The following EPG5 variants were observed in gnomAD, a reference collection of about 807,000 sequenced individuals.
The protein encoded by EPG5 is ectopic P-granules 5 autophagy tethering factor, also known as ectopic P granules protein 5 homolog.
Under a neutral mutation model 302.7 loss-of-function variants are expected in EPG5, and 159 were observed. The ratio of observed to expected loss-of-function variants is 0.53; its 90% CI spans 0.46 to 0.60. The LOEUF is 0.60. EPG5 is among the 20% of genes least tolerant of loss of function. EPG5 has a pLI of 0.00. For synonymous variants in EPG5, 1,158 were observed against 1,136.8 expected (o/e 1.02, Z -0.37); for missense variants, 2,896 against 3,092.4 (o/e 0.94, Z 1.51).
At chr18:45,958,122 GAGAA>G (rs990410709) in intron 1 of EPG5, among the ~76,000 whole-genome samples, 31 of 152,274 alleles carry the variant, frequency 2.0e-4, no homozygotes, top group African/African-American at 7.2e-4. Context: ...GATAAATTGA[GAGAA>G]AGAAGCATAA....
intron 28 of EPG5, among the ~76,000 whole-genome samples, chr18:45,889,295 G>A (rs1484482887): frequency 6.6e-6 from 1 of 152,164 alleles, no homozygotes; most frequent in Non-Finnish European, 1.5e-5. Flanking sequence ...GAAAACGATG[G>A]TCAAATGCAA....
In EPG5 at chr18:45,956,469, T is replaced by A. The variant is rs373566563; in HGVS notation, c.64-1131A>T. Among the ~76,000 whole-genome samples the A allele has an allele frequency of 3.4e-3, 521 of 152,074 alleles. 3 individuals carry two copies. The highest frequency in any genetic ancestry group is 0.011 in the African/African-American group (471 of 41,460). ...GGGTGTTTTATTTATTTATTTTTTT[T>A]TTTTTGAGACGGAATCTTGCTCTGT... On this transcript the variant is annotated intron_variant, in intron 1 of 43. Transcript: ENST00000282041.
rs2049115141 is a variant in EPG5, at chr18:45,882,340, A to G, written c.5452T>C (p.Trp1818Arg). 1 of 1,614,252 alleles carries G rather than the reference A, an allele frequency of 6.2e-7. No homozygotes were observed. The highest frequency in any genetic ancestry group is 8.5e-7 in the Non-Finnish European group (1 of 1,180,042). The change falls in exon 31 of 44, where the codon TGG (tryptophan) becomes CGG (arginine). Residue 1818 changes from tryptophan (W) to arginine (R), a missense_variant. Transcript: ENST00000282041. Reference protein sequence around the residue: ...LMPFNLFCKHWTYLLLYQFPD... With the variant: ...LMPFNLFCKHRTYLLLYQFPD... Reference sequence around the variant, plus strand: ...AACTGGTAGAGAAGAAGATAAGTCCAGTGCTTACAGAAAAGATTAAATGGC... The same window carrying G: ...AACTGGTAGAGAAGAAGATAAGTCCGGTGCTTACAGAAAAGATTAAATGGC...
chr18:45,826,761 C>T, the EPG5 span, among the ~76,000 whole-genome samples: 1 of 152,306 alleles, frequency 6.6e-6, no homozygotes, highest in East Asian at 1.9e-4. Context: ...CCTTAGACCC[C>T]TTTGCCCTCC....
At chr18:45,891,904 A>G (rs1419630387) in intron 27 of EPG5, among the ~76,000 whole-genome samples, 1 of 152,262 alleles carries the variant, frequency 6.6e-6, no homozygotes, top group Non-Finnish European at 1.5e-5. Flanking sequence ...GATTAGGAGT[A>G]TCTGCAGTCA....
chr18:45,897,739 CAG>C (rs1436227419), intron 27 of EPG5, among the ~76,000 whole-genome samples: 1 of 152,108 alleles, frequency 6.6e-6, no homozygotes, highest in African/African-American at 2.4e-5. Flanking sequence ...GTTGAAAAAT[CAG>C]AGACACATTT....
Position 45,894,197 on chromosome 18 carries a change from C to T in EPG5, c.4810-4257G>A, listed in dbSNP as rs184850759. Among the ~76,000 whole-genome samples the T allele has an allele frequency of 5.7e-3, 863 of 152,264 alleles. 4 individuals carry two copies. The highest frequency in any genetic ancestry group is 9.9e-3 in the Non-Finnish European group (673 of 68,018). ...AAAACAGGCCAGGCATGGTGGCTTA[C>T]ACCTGTAATCCTAGCACTTTGGGAG... On this transcript the variant is annotated intron_variant, in intron 27 of 43. Coordinates refer to ENST00000282041, the MANE Select transcript of EPG5 (RefSeq NM_020964.3).
Position 45,852,433 on chromosome 18 carries a change from A to G in EPG5, c.*34T>C. On this transcript the variant is annotated 3_prime_UTR_variant, in exon 44 of 44. Transcript: ENST00000282041. ...ACAGCAAAGTTAAATGTAAACATAAACAGCAATGGGTTTTTCAAGAGCCTC... is the reference window on the plus strand; with the variant it reads ...ACAGCAAAGTTAAATGTAAACATAAGCAGCAATGGGTTTTTCAAGAGCCTC... 6.3e-7 allele frequency: 1 copy of G among 1,582,422 alleles called. No homozygotes were observed. Among genetic ancestry groups the G allele is most frequent in the Non-Finnish European group, 8.6e-7 (1 of 1,163,382 alleles).
chr18:45,835,719 CA>C, the EPG5 span, among the ~76,000 whole-genome samples: 1 of 152,184 alleles, frequency 6.6e-6, no homozygotes, highest in Non-Finnish European at 1.5e-5. Flanking sequence ...GCAAGCTGGG[CA>C]TGAAACACAG....
the EPG5 span, among the ~76,000 whole-genome samples, chr18:45,840,423 C>T: frequency 6.6e-6 from 1 of 152,294 alleles, no homozygotes; most frequent in Middle Eastern, 3.4e-3. Context: ...CCAAGGTCTT[C>T]CCTGGACAGA....
Position 45,852,418 on chromosome 18 carries a change from T to C in EPG5, c.*49A>G. On this transcript the variant is annotated 3_prime_UTR_variant, in exon 44 of 44. Transcript: ENST00000282041. ...AAAGTTACTTGTGCAACAGCAAAGT[T>C]AAATGTAAACATAAACAGCAATGGG... The C allele has an allele frequency of 6.4e-7, 1 of 1,554,684 alleles. No homozygotes were observed. The highest frequency in any genetic ancestry group is 8.7e-7 in the Non-Finnish European group (1 of 1,145,666).
At chr18:45,914,957 A>C (rs1287279543) in intron 20 of EPG5, among the ~76,000 whole-genome samples, 1 of 110,654 alleles carries the variant, frequency 9.0e-6, no homozygotes, top group Non-Finnish European at 1.8e-5. Context: ...GTATCCAAAA[A>C]TGTTTTTTAA....
chr18:45,854,924 C>G (rs1314614202), intron 43 of EPG5, among the ~76,000 whole-genome samples: 2 of 152,078 alleles, frequency 1.3e-5, no homozygotes, highest in South Asian at 4.2e-4. Flanking sequence ...AAAGCTTTAA[C>G]TCACTAATAT....
Position 45,860,181 on chromosome 18 carries a change from G to A in EPG5, c.6932C>T (p.Ala2311Val), listed in dbSNP as rs1462762255. The change falls in exon 40 of 44, where the codon GCA becomes GTA. Residue 2311 changes from alanine (A) to valine (V), a missense_variant. Around this residue, in one of 5 missense-constraint regions of EPG5, gnomAD observed 620 missense variants for 704.2 expected, o/e 0.88. Transcript: ENST00000282041. ...GACGGACGCCAGGCTCTGGCAGGCT[G>A]CTGTTAAAAGGGGCAGCACCACCAG... ...HGLVVLPLLT[A>V]ACQSLASVRH... 6.2e-7 allele frequency: 1 copy of A among 1,614,244 alleles called. No homozygotes were observed. Among genetic ancestry groups the A allele is most frequent in the East Asian group, 2.2e-5 (1 of 44,892 alleles).
At chr18:45,805,417 C>A in the EPG5 span, among the ~76,000 whole-genome samples, 1 of 92,878 alleles carries the variant, frequency 1.1e-5, no homozygotes, top group Non-Finnish European at 2.2e-5. Flanking sequence ...AAATAAAGAG[C>A]TTCTGTAAAA....
At chr18:45,801,172 G>C in the EPG5 span, among the ~76,000 whole-genome samples, 2 of 152,096 alleles carry the variant, frequency 1.3e-5, no homozygotes, top group African/African-American at 4.8e-5. Context: ...AAGTAGCTGG[G>C]ATTACAGGTG....
chr18:45,837,883 G>A, the EPG5 span: 3 of 1,526,716 alleles, frequency 2.0e-6, no homozygotes, highest in Non-Finnish European at 8.7e-7. Context: ...ACGGCGTCCG[G>A]CTGCACGTGA....
At chr18:45,882,573 A>G in intron 30 of EPG5, 86 bp from the exon 31 acceptor site, 5 of 1,068,978 alleles carry the variant, frequency 4.7e-6, no homozygotes, top group Non-Finnish European at 5.3e-6. Context: ...ATTTAGTTTA[A>G]AAGCCAAAAA....
chr18:45,916,584 T>C lies in EPG5; in HGVS notation c.3240-2A>G. On this transcript the variant is annotated splice_acceptor_variant, in intron 17 of 43. Coordinates refer to ENST00000282041, the MANE Select transcript of EPG5 (RefSeq NM_020964.3). LOFTEE classifies it high-confidence loss of function. ...AACAAGAGGAGATGCGATAAAAACC[T>C]GCCAAGCACACAGGAGGACGCACTT... 1 of 1,593,354 alleles carries C rather than the reference T, an allele frequency of 6.3e-7. No homozygotes were observed. Among genetic ancestry groups the C allele is most frequent in the Non-Finnish European group, 8.6e-7 (1 of 1,162,798 alleles).
Sources: allele counts gnomAD v4.1 joint callset (sites outside exome capture counted in the v4.1 genomes callset), GRCh38; gene constraint gnomAD v4.1.1; regional missense constraint gnomAD v4.1.1; transcripts MANE v1.5; gene names NCBI Gene and HGNC (gene_info 2026-07-23, HGNC 2026-07-21).